Variants in SPAG16 observed in about 807,000 individuals in gnomAD.
The protein encoded by SPAG16 is sperm-associated antigen 16 protein.
In SPAG16, 86 loss-of-function variants were observed where a neutral mutation model predicts 80.4. The observed-to-expected ratio is 1.07, with a 90% confidence interval of 0.90 to 1.28. The LOEUF is 1.28. Among genes scored for constraint, SPAG16 ranks in the 50% most tolerant of loss-of-function variants. SPAG16 has a pLI of 0.00. For missense variants in SPAG16, 870 were observed against 765.3 expected (o/e 1.14, Z -1.61); for synonymous variants, 294 against 265.9 (o/e 1.11, Z -1.03).
chr2:214,002,053 A>G (rs2046814923), intron 12 of SPAG16, among the ~76,000 whole-genome samples: 1 of 152,188 alleles, frequency 6.6e-6, no homozygotes, highest in South Asian at 2.1e-4. Context: ...GTTTCCCCTT[A>G]TAAAACCATC....
At chr2:213,390,026 AC>A (rs1190271596) in intron 9 of SPAG16, among the ~76,000 whole-genome samples, 1 of 152,218 alleles carries the variant, frequency 6.6e-6, no homozygotes, top group African/African-American at 2.4e-5. Context: ...TGTGGTATAT[AC>A]ATACAATGGA....
chr2:214,156,003 A>G (rs750987316), intron 15 of SPAG16, among the ~76,000 whole-genome samples: 7 of 152,148 alleles, frequency 4.6e-5, no homozygotes, highest in Non-Finnish European at 7.4e-5. Flanking sequence ...TAATAATTGT[A>G]TTTGGCTTTA....
intron 15 of SPAG16, among the ~76,000 whole-genome samples, chr2:214,407,486 A>C (rs995428215): frequency 6.6e-6 from 1 of 152,132 alleles, no homozygotes; most frequent in Admixed American, 6.6e-5. Flanking sequence ...TTTTCATTCC[A>C]TTGACCAAGT....
At position 214,079,154 on chromosome 2, in the gene SPAG16, T is replaced by C. The variant is rs78325357; in HGVS notation, c.1528-29042T>C. Among the ~76,000 whole-genome samples the C allele has an allele frequency of 6.6e-3, 1,004 of 152,188 alleles. 12 individuals are homozygous for C. The highest frequency in any genetic ancestry group is 0.023 in the African/African-American group (969 of 41,506). On this transcript the variant is annotated intron_variant, in intron 13 of 15. Coordinates refer to ENST00000331683, the MANE Select transcript of SPAG16 (RefSeq NM_024532.5). ...AGCAAGATAGAAAGACATGACATACTTCAAAATTAGCTCTCCCAACCACTG... is the reference window on the plus strand; with the variant it reads ...AGCAAGATAGAAAGACATGACATACCTCAAAATTAGCTCTCCCAACCACTG...
chr2:214,299,314 A>C (rs1694380859), intron 15 of SPAG16, among the ~76,000 whole-genome samples: 1 of 139,642 alleles, frequency 7.2e-6, no homozygotes. Flanking sequence ...GCAGTGGCGC[A>C]ATCTTGGCTC....
chr2:214,268,158 A>C (rs1691720970), intron 15 of SPAG16, among the ~76,000 whole-genome samples: 1 of 151,676 alleles, frequency 6.6e-6, no homozygotes, highest in Non-Finnish European at 1.5e-5. Flanking sequence ...AACTATTATC[A>C]AAAGATAACA....
At chr2:214,185,722 C>T (rs921001532) in intron 15 of SPAG16, among the ~76,000 whole-genome samples, 1 of 152,034 alleles carries the variant, frequency 6.6e-6, no homozygotes, top group African/African-American at 2.4e-5. Context: ...TCCAAGTGTG[C>T]CTGCGTAGTC....
intron 15 of SPAG16, among the ~76,000 whole-genome samples, chr2:214,268,075 G>C (rs572379766): frequency 6.6e-6 from 1 of 151,654 alleles, no homozygotes; most frequent in East Asian, 1.9e-4. Context: ...ATGAGAAAAT[G>C]CTCAACATCT....
At chr2:213,993,278 G>A (rs767713547) in intron 12 of SPAG16, among the ~76,000 whole-genome samples, 3 of 152,158 alleles carry the variant, frequency 2.0e-5, no homozygotes, top group Non-Finnish European at 2.9e-5. Flanking sequence ...TCAGACCCAT[G>A]CTTATAACTA....
intron 15 of SPAG16, among the ~76,000 whole-genome samples, chr2:214,270,913 A>G (rs7593608): frequency 0.021 from 3,185 of 152,256 alleles, 79 homozygotes; most frequent in African/African-American, 0.053. Context: ...TCTAAAACAA[A>G]GTATAAGTTC....
At chr2:213,859,336 T>C (rs748483206) in intron 10 of SPAG16, among the ~76,000 whole-genome samples, 61 of 152,002 alleles carry the variant, frequency 4.0e-4, no homozygotes, top group Non-Finnish European at 2.2e-4. Context: ...CAAAAACTTA[T>C]GTAGACAGAT....
At chr2:213,971,928 T>TTTTG (rs2045085172) in intron 12 of SPAG16, among the ~76,000 whole-genome samples, 1 of 151,060 alleles carries the variant, frequency 6.6e-6, no homozygotes, top group African/African-American at 2.4e-5. Context: ...TGATATCTAA[T>TTTTG]TGTGTGTGTG....
intron 10 of SPAG16, among the ~76,000 whole-genome samples, chr2:213,621,929 T>C (rs1322039328): frequency 6.6e-6 from 1 of 152,188 alleles, no homozygotes; most frequent in Non-Finnish European, 1.5e-5. Context: ...GCAAGATCTC[T>C]TATTATTTAT....
chr2:213,378,607 C>T (rs927693547), intron 9 of SPAG16, among the ~76,000 whole-genome samples: 4 of 152,100 alleles, frequency 2.6e-5, no homozygotes, highest in African/African-American at 7.2e-5. Context: ...ACATGTACAA[C>T]CATGGTTTTA....
chr2:213,852,614 C>T (rs2105913332), intron 10 of SPAG16, among the ~76,000 whole-genome samples: 1 of 152,264 alleles, frequency 6.6e-6, no homozygotes, highest in South Asian at 2.1e-4. Context: ...CTTAGACCAT[C>T]CTAAAGGTAC....
chr2:213,315,064 G>C (rs898444373), intron 4 of SPAG16, among the ~76,000 whole-genome samples: 2 of 151,832 alleles, frequency 1.3e-5, no homozygotes, highest in Admixed American at 1.3e-4. Flanking sequence ...TGAAACTACT[G>C]ATAATTTATA....
intron 15 of SPAG16, among the ~76,000 whole-genome samples, chr2:214,276,973 C>T (rs1046806966): frequency 3.9e-5 from 6 of 151,946 alleles, no homozygotes; most frequent in Admixed American, 6.6e-5. Context: ...CCATATTTCT[C>T]GGAGGCTTTG....
At chr2:214,372,423 A>T (rs946300521) in intron 15 of SPAG16, among the ~76,000 whole-genome samples, 3 of 152,058 alleles carry the variant, frequency 2.0e-5, no homozygotes, top group Non-Finnish European at 4.4e-5. Flanking sequence ...AAAAAATCAA[A>T]CTGTATATAG....
intron 12 of SPAG16, among the ~76,000 whole-genome samples, chr2:213,942,661 C>A (rs575333633): frequency 6.6e-6 from 1 of 152,182 alleles, no homozygotes; most frequent in Non-Finnish European, 1.5e-5. Context: ...CAGAAATGGT[C>A]CAGCAGCAAG....
Sources: gnomAD v4.1 joint callset for allele counts (sites outside exome capture counted in the v4.1 genomes callset) on GRCh38, gnomAD v4.1.1 for gene constraint, MANE v1.5 for transcripts, NCBI Gene and HGNC (gene_info 2026-07-23, HGNC 2026-07-21) for gene names.